Variants in CAMTA1 observed in about 807,000 individuals in gnomAD.
The protein encoded by CAMTA1 is calmodulin binding transcription activator 1, also known as calmodulin-binding transcription activator 1.
Under a neutral mutation model 170.9 loss-of-function variants are expected in CAMTA1, and 27 were observed. That is an observed-to-expected ratio of 0.16 (90% CI 0.12 to 0.22). The LOEUF is 0.22. CAMTA1 is among the 10% of genes least tolerant of loss of function. The pLI is 1.00. For synonymous variants in CAMTA1, 833 were observed against 891.5 expected (o/e 0.93, Z 1.17); for missense variants, 1,619 against 2,217.2 (o/e 0.73, Z 5.42).
At chr1:7,246,243 G>T (rs1341165206) in intron 4 of CAMTA1, among the ~76,000 whole-genome samples, 2 of 152,170 alleles carry the variant, frequency 1.3e-5, no homozygotes, top group African/African-American at 4.8e-5. Flanking sequence ...ATTATATGCT[G>T]GGAATGATAA....
At chr1:7,740,527 G>A (rs763745691) in intron 16 of CAMTA1, among the ~76,000 whole-genome samples, 102 of 152,308 alleles carry the variant, frequency 6.7e-4, no homozygotes, top group Non-Finnish European at 1.2e-3. Flanking sequence ...CAAAAGAGGG[G>A]AACCAACTGA....
At chr1:6,855,843 T>A (rs1470181358) in intron 3 of CAMTA1, among the ~76,000 whole-genome samples, 1 of 151,858 alleles carries the variant, frequency 6.6e-6, no homozygotes, top group Non-Finnish European at 1.5e-5. Context: ...TGAGGTAGAG[T>A]CTGCAAGGAA....
At chr1:7,405,284 C>T (rs1185421207) in intron 5 of CAMTA1, among the ~76,000 whole-genome samples, 1 of 152,176 alleles carries the variant, frequency 6.6e-6, no homozygotes, top group Non-Finnish European at 1.5e-5. Context: ...GTCACCTCCT[C>T]CAGGACTTCC....
chr1:7,461,391 T>A (rs1408600231), intron 5 of CAMTA1, among the ~76,000 whole-genome samples: 1 of 152,220 alleles, frequency 6.6e-6, no homozygotes. Context: ...CGGTATAACT[T>A]TCTGCCATTG....
At chr1:7,115,912 G>A (rs762761108) in intron 4 of CAMTA1, among the ~76,000 whole-genome samples, 40 of 152,110 alleles carry the variant, frequency 2.6e-4, no homozygotes, top group Non-Finnish European at 4.4e-4. Flanking sequence ...ACATGAGGAG[G>A]GCAACCTTCT....
At position 7,072,350 on chromosome 1, in the gene CAMTA1, G is replaced by C. The variant is rs189247864; in HGVS notation, c.235-18954G>C. On this transcript the variant is annotated intron_variant, in intron 3 of 22. Coordinates refer to ENST00000303635, the MANE Select transcript of CAMTA1 (RefSeq NM_015215.4). ...GGATGCGAGGTGTGTGGGCTCCGGA[G>C]GCACGCATCCCAAATCTGAAACCTG... Among the ~76,000 whole-genome samples the C allele has an allele frequency of 6.6e-5, 10 of 152,258 alleles. No homozygotes were observed. The East Asian group carries it at 1.9e-3, about 29-fold the overall frequency.
chr1:7,364,072 T>G (rs1260239827), intron 5 of CAMTA1, among the ~76,000 whole-genome samples: 1 of 152,186 alleles, frequency 6.6e-6, no homozygotes, highest in East Asian at 1.9e-4. Flanking sequence ...GAACAGATTT[T>G]TCACTTGACT....
chr1:6,872,552 T>C (rs577631488), intron 3 of CAMTA1, among the ~76,000 whole-genome samples: 1 of 152,224 alleles, frequency 6.6e-6, no homozygotes, highest in African/African-American at 2.4e-5. Context: ...AAATGTACTT[T>C]TGTCTCTGCC....
chr1:7,447,389 G>A (rs527506106), intron 5 of CAMTA1, among the ~76,000 whole-genome samples: 2 of 149,154 alleles, frequency 1.3e-5, no homozygotes, highest in East Asian at 2.0e-4. Context: ...GATAGTGTTG[G>A]GCCTGCCTTT....
chr1:6,791,142 G>A (rs141223958), intron 1 of CAMTA1, among the ~76,000 whole-genome samples: 1,658 of 147,754 alleles, frequency 0.011, 21 homozygotes, highest in Middle Eastern at 0.021. Flanking sequence ...AAATGTTCTA[G>A]GTGACTTAAA....
intron 6 of CAMTA1, among the ~76,000 whole-genome samples, chr1:7,494,503 A>G (rs2093793999): frequency 6.6e-6 from 1 of 152,114 alleles, no homozygotes; most frequent in Non-Finnish European, 1.5e-5. Context: ...GGGGATGCAG[A>G]GGTCAAAGGA....
intron 3 of CAMTA1, among the ~76,000 whole-genome samples, chr1:6,917,702 C>T (rs1417461310): frequency 6.6e-6 from 1 of 150,426 alleles, no homozygotes; most frequent in Non-Finnish European, 1.5e-5. Context: ...GATTTATGGG[C>T]TTGAAATTCA....
intron 3 of CAMTA1, among the ~76,000 whole-genome samples, chr1:6,900,768 G>A (rs1368929704): frequency 6.6e-6 from 1 of 152,182 alleles, no homozygotes; most frequent in Non-Finnish European, 1.5e-5. Context: ...AAATATCTGT[G>A]AGAGAAATTA....
chr1:7,236,201 G>A (rs981150102), intron 4 of CAMTA1, among the ~76,000 whole-genome samples: 1 of 152,186 alleles, frequency 6.6e-6, no homozygotes, highest in Non-Finnish European at 1.5e-5. Context: ...TGAGATTCGG[G>A]CTGTCGCCGT....
In CAMTA1 at chr1:7,477,407, G is replaced by C. The variant is rs146288410; in HGVS notation, c.510+9506G>C. ...AATGTCCCTTGAATAACGTGACGAGGAGATAAGGTAGACACTGGGAATTTA... is the reference window on the plus strand; with the variant it reads ...AATGTCCCTTGAATAACGTGACGAGCAGATAAGGTAGACACTGGGAATTTA... On this transcript the variant is annotated intron_variant, in intron 6 of 22. Coordinates refer to ENST00000303635, the MANE Select transcript of CAMTA1 (RefSeq NM_015215.4). Among the ~76,000 whole-genome samples the C allele has an allele frequency of 1.1e-4, 16 of 152,310 alleles. No homozygotes were observed. The East Asian group carries it at 3.1e-3, about 29-fold the overall frequency.
chr1:7,704,237 GC>G (rs911192652), intron 11 of CAMTA1, among the ~76,000 whole-genome samples: 1 of 146,756 alleles, frequency 6.8e-6, no homozygotes, highest in Non-Finnish European at 1.5e-5. Context: ...GGAGCTTCGG[GC>G]GGCCCCGACG....
At chr1:6,839,290 G>A (rs190427115) in intron 3 of CAMTA1, among the ~76,000 whole-genome samples, 2,433 of 152,088 alleles carry the variant, frequency 0.016, 34 homozygotes, top group Middle Eastern at 0.034. Flanking sequence ...GCTGAGGCAG[G>A]AGAATCACTT....
chr1:7,188,057 G>A (rs1363787620), intron 4 of CAMTA1, among the ~76,000 whole-genome samples: 3 of 152,188 alleles, frequency 2.0e-5, no homozygotes, highest in Non-Finnish European at 2.9e-5. Context: ...TCTTCACAAG[G>A]TGGCAGGAGA....
chr1:7,648,374 AGAGT>A (rs535323461), intron 7 of CAMTA1, among the ~76,000 whole-genome samples: 55 of 151,698 alleles, frequency 3.6e-4, no homozygotes, highest in African/African-American at 1.3e-3. Context: ...CCTGGGCAAC[AGAGT>A]GAGACTCCAC....
Sources: allele counts gnomAD v4.1 joint callset (sites outside exome capture counted in the v4.1 genomes callset), GRCh38; gene constraint gnomAD v4.1.1; transcripts MANE v1.5; gene names NCBI Gene and HGNC (gene_info 2026-07-23, HGNC 2026-07-21).